DPF3: variants seen among roughly 807,000 people sequenced by gnomAD.
DPF3 encodes zinc finger protein DPF3.
Under a neutral mutation model 56.8 loss-of-function variants are expected in DPF3, and 18 were observed. The ratio of observed to expected loss-of-function variants is 0.32; its 90% CI spans 0.22 to 0.47. The LOEUF (loss-of-function observed/expected upper bound fraction) is 0.47, where lower values mean the gene tolerates loss of function less well. DPF3 is among the 20% of genes least tolerant of loss of function. The probability of loss-of-function intolerance (pLI) is 1.00; values close to 1 mark genes in which losing one functional copy is unlikely to be tolerated. For synonymous variants in DPF3, 188 were observed against 180.2 expected, an observed-to-expected ratio of 1.04 and a Z score of -0.35; for missense variants, 403 against 488.8, an observed-to-expected ratio of 0.82 and a Z score of 1.65.
intron 1 of DPF3, among the ~76,000 whole-genome samples, chr14:72,849,661 C>T (rs530607434): frequency 7.6e-4 from 115 of 152,310 alleles, no homozygotes; most frequent in African/African-American, 2.6e-3. Context: ...ACAACTCCTT[C>T]CTCCCCATTC....
chr14:72,780,854 G>A (rs1891941716), intron 1 of DPF3, among the ~76,000 whole-genome samples: 1 of 152,158 alleles, frequency 6.6e-6, no homozygotes, highest in Non-Finnish European at 1.5e-5. Flanking sequence ...TCTCTGCATG[G>A]GTAGAAATGC....
At chr14:72,870,987 A>AG (rs1885877578) in intron 1 of DPF3, among the ~76,000 whole-genome samples, 4 of 96,472 alleles carry the variant, frequency 4.1e-5, no homozygotes, top group African/African-American at 1.9e-4. Flanking sequence ...AATTGGACTT[A>AG]AAGTCCTCAG....
intron 6 of DPF3, among the ~76,000 whole-genome samples, chr14:72,701,338 G>T (rs185968833): frequency 6.6e-6 from 1 of 152,192 alleles, no homozygotes; most frequent in Non-Finnish European, 1.5e-5. Context: ...AATAAGGGAG[G>T]TCCAGCTTGC....
At chr14:72,670,169 G>A in intron 8 of DPF3, 4 of 985,934 alleles carry the variant, frequency 4.1e-6, no homozygotes, top group Non-Finnish European at 4.8e-6. Flanking sequence ...TTTCTTAACA[G>A]GGGCAAGGGG....
At chr14:72,840,188 G>A (rs1884487953) in intron 1 of DPF3, among the ~76,000 whole-genome samples, 1 of 152,174 alleles carries the variant, frequency 6.6e-6, no homozygotes, top group African/African-American at 2.4e-5. Context: ...GCCTTCACTT[G>A]TAACACAGCT....
chr14:72,892,448 C>T lies in DPF3; in HGVS notation c.32+1609G>A, dbSNP rs949563674. 4 of 1,439,048 alleles carry T rather than the reference C, an allele frequency of 2.8e-6. No individual in the cohort carries two copies. The African/African-American group carries it at 5.7e-5, about 21-fold the overall frequency. 89.1% of individuals were successfully genotyped at this position (1,439,048 alleles called of 1,614,324 possible). A position where few individuals can be genotyped will look rare whatever the true frequency, so the allele number is the denominator to read the frequency against. On this transcript the variant is annotated intron_variant, in intron 1 of 10. Coordinates refer to ENST00000556509, the MANE Select transcript of DPF3 (RefSeq NM_001280542.3). ...CTATCTGATCAGCCTCAGCTTCCAA[C>T]GTCCTCTTAACGGCAGCTTTCATAT...
intron 6 of DPF3, among the ~76,000 whole-genome samples, chr14:72,706,208 G>T (rs762117789): frequency 4.6e-5 from 7 of 152,086 alleles, no homozygotes; most frequent in African/African-American, 7.2e-5. Context: ...CTACCCCTGG[G>T]CACACCCATC....
chr14:72,878,045 C>A (rs148158168), intron 1 of DPF3, among the ~76,000 whole-genome samples: 2 of 152,200 alleles, frequency 1.3e-5, no homozygotes, highest in African/African-American at 2.4e-5. Flanking sequence ...TTCTACAATT[C>A]GGCTCCTGCA....
At chr14:72,673,759 C>T (rs1334128632) in intron 8 of DPF3, among the ~76,000 whole-genome samples, 3 of 152,146 alleles carry the variant, frequency 2.0e-5, no homozygotes, top group Non-Finnish European at 2.9e-5. Context: ...ATGCAGCTAG[C>T]CAGGAGCCCG....
At chr14:72,636,019 G>C (rs888332359) in intron 8 of DPF3, among the ~76,000 whole-genome samples, 9 of 152,090 alleles carry the variant, frequency 5.9e-5, no homozygotes, top group African/African-American at 2.2e-4. Context: ...TCTCTTAAAA[G>C]CTAATTTCTC....
intron 7 of DPF3, among the ~76,000 whole-genome samples, chr14:72,689,437 G>A (rs1887579202): frequency 6.6e-6 from 1 of 152,146 alleles, no homozygotes; most frequent in East Asian, 1.9e-4. Context: ...GGGAGCCGCA[G>A]ATTAGCCTCT....
intron 1 of DPF3, among the ~76,000 whole-genome samples, chr14:72,866,323 G>A (rs1469288530): frequency 7.2e-6 from 1 of 138,216 alleles, no homozygotes; most frequent in African/African-American, 2.5e-5. Context: ...CAAACCTTAA[G>A]TAACTCCCCA....
At chr14:72,723,767 A>G in intron 4 of DPF3, 39 bp from the exon 5 acceptor site, 1 of 1,539,628 alleles carries the variant, frequency 6.5e-7, no homozygotes. Flanking sequence ...TGAGAAACGA[A>G]ATGCAAAGGG....
rs147459506 is a variant in DPF3, at chr14:72,890,644, G to A, written c.32+3413C>T. Among the ~76,000 whole-genome samples, 582 of 152,132 alleles carry A rather than the reference G, an allele frequency of 3.8e-3. 1 individual carries two copies. The highest frequency in any genetic ancestry group is 6.0e-3 in the Non-Finnish European group (406 of 68,018). On this transcript the variant is annotated intron_variant, in intron 1 of 10. Transcript: ENST00000556509. ...TACTTCACTACCTGGGCCTTATCTC[G>A]CTTGTATATGTAAGAAATGAGGGTA...
intron 7 of DPF3, among the ~76,000 whole-genome samples, chr14:72,679,532 G>A (rs1887064556): frequency 1.3e-5 from 2 of 152,246 alleles, no homozygotes; most frequent in South Asian, 4.1e-4. Context: ...CAGCCCTTGG[G>A]GAATTCGGGG....
At chr14:72,823,018 T>C (rs1247882270) in intron 1 of DPF3, among the ~76,000 whole-genome samples, 1 of 152,202 alleles carries the variant, frequency 6.6e-6, no homozygotes, top group Non-Finnish European at 1.5e-5. Context: ...TTTCCTTTTC[T>C]CATCCCTATT....
intron 2 of DPF3, 128 bp from the exon 3 acceptor site, chr14:72,753,499 C>A: frequency 5.4e-6 from 4 of 743,890 alleles, no homozygotes; most frequent in Non-Finnish European, 8.4e-6. Context: ...TTGTCAACAT[C>A]ACAAAGCTGA....
At chr14:72,768,933 C>CG (rs1891399108) in intron 2 of DPF3, among the ~76,000 whole-genome samples, 1 of 146,398 alleles carries the variant, frequency 6.8e-6, no homozygotes, top group African/African-American at 2.5e-5. Flanking sequence ...GTGTGAGTGT[C>CG]TGTGTGTGTG....
chr14:72,869,501 G>A (rs928273572), intron 1 of DPF3, among the ~76,000 whole-genome samples: 1 of 152,110 alleles, frequency 6.6e-6, no homozygotes, highest in Admixed American at 6.6e-5. Context: ...GCAAATGACA[G>A]GCCAGTGTGA....
Sources: allele counts gnomAD v4.1 joint callset (sites outside exome capture counted in the v4.1 genomes callset), GRCh38; gene constraint gnomAD v4.1.1; transcripts MANE v1.5; gene names NCBI Gene and HGNC (gene_info 2026-07-23, HGNC 2026-07-21).